Variants in KCNH8 observed in about 807,000 individuals in gnomAD.
KCNH8 encodes voltage-gated delayed rectifier potassium channel KCNH8.
In KCNH8, 70 loss-of-function variants were observed where a neutral mutation model predicts 103.6. That is an observed-to-expected ratio of 0.68 (90% confidence interval 0.56 to 0.82). The LOEUF (loss-of-function observed/expected upper bound fraction) is 0.82. Among genes scored for constraint, KCNH8 ranks in the 40% least tolerant of loss-of-function variants. The probability of loss-of-function intolerance (pLI) is 0.00; values close to 1 mark genes in which losing one functional copy is unlikely to be tolerated. For missense variants in KCNH8, 1,217 were observed against 1,329.9 expected (o/e 0.92, Z 1.32); for synonymous variants, 498 against 489.4 (o/e 1.02, Z -0.23).
At chr3:19,409,876 G>C (rs2066750471) in intron 7 of KCNH8, among the ~76,000 whole-genome samples, 1 of 152,034 alleles carries the variant, frequency 6.6e-6, no homozygotes, top group Non-Finnish European at 1.5e-5. Flanking sequence ...CATAAAATGA[G>C]AACTTCTAGA....
At chr3:19,424,842 A>G (rs2067003849) in intron 7 of KCNH8, among the ~76,000 whole-genome samples, 1 of 152,212 alleles carries the variant, frequency 6.6e-6, no homozygotes, top group Admixed American at 6.5e-5. Flanking sequence ...CATATAAAAA[A>G]GTCTCTTAAA....
intron 11 of KCNH8, among the ~76,000 whole-genome samples, chr3:19,493,313 C>G (rs191331158): frequency 3.9e-5 from 6 of 152,076 alleles, no homozygotes; most frequent in Non-Finnish European, 8.8e-5. Context: ...TGTCCCCACC[C>G]AAATCTCATC....
intron 3 of KCNH8, among the ~76,000 whole-genome samples, chr3:19,285,723 A>T (rs540838645): frequency 3.0e-4 from 45 of 151,914 alleles, no homozygotes; most frequent in Non-Finnish European, 6.2e-4. Context: ...AAAAATGGTA[A>T]CCTAGGATTT....
At chr3:19,494,069 C>G (rs943516632) in intron 11 of KCNH8, among the ~76,000 whole-genome samples, 1 of 152,106 alleles carries the variant, frequency 6.6e-6, no homozygotes, top group Non-Finnish European at 1.5e-5. Context: ...TTTAGTGCCA[C>G]TTATAAGTGA....
chr3:19,154,794 A>C (rs2063165212), intron 1 of KCNH8, among the ~76,000 whole-genome samples: 1 of 152,200 alleles, frequency 6.6e-6, no homozygotes, highest in Non-Finnish European at 1.5e-5. Context: ...GGTTTGCTGG[A>C]ATTCAGTGCC....
At chr3:19,155,978 T>C (rs1184357750) in intron 1 of KCNH8, among the ~76,000 whole-genome samples, 2 of 152,212 alleles carry the variant, frequency 1.3e-5, no homozygotes, top group African/African-American at 4.8e-5. Context: ...GAATTTCAAC[T>C]TCTTTGAAGG....
At chr3:19,231,367 T>A (rs2063992719) in intron 1 of KCNH8, among the ~76,000 whole-genome samples, 1 of 152,196 alleles carries the variant, frequency 6.6e-6, no homozygotes, top group Non-Finnish European at 1.5e-5. Flanking sequence ...ATGTTGTAGA[T>A]AAACTGTAAC....
chr3:19,426,618 A>C (rs1023567748), intron 7 of KCNH8, among the ~76,000 whole-genome samples: 2 of 150,932 alleles, frequency 1.3e-5, no homozygotes, highest in African/African-American at 2.4e-5. Flanking sequence ...CATTTGACTG[A>C]ATGTTGTGAG....
intron 5 of KCNH8, among the ~76,000 whole-genome samples, chr3:19,355,305 C>G (rs938868258): frequency 3.3e-5 from 5 of 152,304 alleles, no homozygotes; most frequent in African/African-American, 1.2e-4. Context: ...CTAGTTCACC[C>G]ATTGTGGAAG....
intron 1 of KCNH8, among the ~76,000 whole-genome samples, chr3:19,220,967 C>T (rs1324382676): frequency 6.6e-6 from 1 of 152,090 alleles, no homozygotes; most frequent in Non-Finnish European, 1.5e-5. Flanking sequence ...TTACCATGTG[C>T]CGCAATCATT....
At chr3:19,374,258 G>A (rs1327356751) in intron 5 of KCNH8, among the ~76,000 whole-genome samples, 1 of 151,604 alleles carries the variant, frequency 6.6e-6, no homozygotes, top group Non-Finnish European at 1.5e-5. Flanking sequence ...CTCTTTGTAG[G>A]TCACTCAGGA....
At chr3:19,501,489 A>G (rs1161641215) in intron 11 of KCNH8, among the ~76,000 whole-genome samples, 1 of 152,150 alleles carries the variant, frequency 6.6e-6, no homozygotes, top group African/African-American at 2.4e-5. Flanking sequence ...AGAATTTTAG[A>G]CCAATATCCC....
intron 3 of KCNH8, among the ~76,000 whole-genome samples, chr3:19,290,155 A>T (rs559819958): frequency 6.6e-6 from 1 of 152,172 alleles, no homozygotes; most frequent in African/African-American, 2.4e-5. Context: ...GGCTGAGACA[A>T]TGGGGTTTTC....
chr3:19,468,214 T>C (rs541828428), intron 11 of KCNH8, among the ~76,000 whole-genome samples: 1 of 152,360 alleles, frequency 6.6e-6, no homozygotes, highest in South Asian at 2.1e-4. Context: ...TCTTGTTCTA[T>C]ACTATAGCCC....
chr3:19,342,205 G>C (rs939655516), intron 3 of KCNH8, among the ~76,000 whole-genome samples: 2 of 152,034 alleles, frequency 1.3e-5, no homozygotes, highest in Admixed American at 1.3e-4. Flanking sequence ...AAAAATAATT[G>C]TAAATGTGGA....
At position 19,534,739 on chromosome 3, in the gene KCNH8, G is replaced by T. The variant is rs1209902007; in HGVS notation, c.*640G>T. On this transcript the variant is annotated 3_prime_UTR_variant, in exon 16 of 16. Transcript: ENST00000328405. ...TTTAAACTATTTAAATATTTATAAA[G>T]AAATGAATGTTTTCTTTTCATTTTG... 1.3e-5 allele frequency: 2 copies of T among 152,380 alleles called. No homozygotes were observed. The highest frequency in any genetic ancestry group is 4.8e-5 in the African/African-American group (2 of 41,352). The allele number at this position is 152,380 out of a possible 1,614,324, so 9.4% of individuals were successfully genotyped here. A position where few individuals can be genotyped will look rare whatever the true frequency, so the allele number is the denominator to read the frequency against.
chr3:19,499,900 G>A (rs2068536811), intron 11 of KCNH8, among the ~76,000 whole-genome samples: 2 of 152,212 alleles, frequency 1.3e-5, no homozygotes, highest in East Asian at 1.9e-4. Context: ...AAAATAACCA[G>A]CTAACATCAT....
At chr3:19,214,560 G>A (rs551011895) in intron 1 of KCNH8, among the ~76,000 whole-genome samples, 2 of 152,306 alleles carry the variant, frequency 1.3e-5, no homozygotes, top group East Asian at 3.9e-4. Flanking sequence ...AACTTCCCCT[G>A]TGGATCAGGC....
chr3:19,213,608 T>C (rs922726246), intron 1 of KCNH8, among the ~76,000 whole-genome samples: 2 of 152,230 alleles, frequency 1.3e-5, no homozygotes, highest in African/African-American at 4.8e-5. Context: ...AAACCAGTAG[T>C]CATCTTGATA....
Sources: gnomAD v4.1 joint callset for allele counts (sites outside exome capture counted in the v4.1 genomes callset) on GRCh38, gnomAD v4.1.1 for gene constraint, MANE v1.5 for transcripts, NCBI Gene and HGNC (gene_info 2026-07-23, HGNC 2026-07-21) for gene names.